The following CERS4 variants were observed in gnomAD, a reference collection of about 807,000 sequenced individuals.
CERS4 encodes ceramide synthase 4.
In CERS4, 65 loss-of-function variants were observed where a neutral mutation model predicts 51.8. That is an observed-to-expected ratio of 1.26 (90% CI 1.03 to 1.54). The LOEUF is 1.54. Ranked by LOEUF, CERS4 falls within the 40% of genes most tolerant of loss-of-function variation. The pLI is 0.00. For missense variants in CERS4, 563 were observed against 500.4 expected, an observed-to-expected ratio of 1.13 and a Z score of -1.19; for synonymous variants, 228 against 208.4, an observed-to-expected ratio of 1.09 and a Z score of -0.81.
At chr19:8,215,487 A>C (rs1486376149) in intron 2 of CERS4, among the ~76,000 whole-genome samples, 1 of 151,502 alleles carries the variant, frequency 6.6e-6, no homozygotes, top group Admixed American at 6.6e-5. Context: ...TCAAAAAAAA[A>C]AAAACAAAAA....
At chr19:8,234,540 C>CTTTTT (rs1479373433) in intron 2 of CERS4, among the ~76,000 whole-genome samples, 1 of 102,238 alleles carries the variant, frequency 9.8e-6, no homozygotes, top group East Asian at 3.3e-4. Flanking sequence ...ACCCACCATT[C>CTTTTT]TATTTTTTTT....
At chr19:8,257,255 C>T (rs1243423232) in intron 9 of CERS4, 178 bp downstream of exon 9, 1 of 651,134 alleles carries the variant, frequency 1.5e-6, no homozygotes, top group East Asian at 3.0e-5. Flanking sequence ...GCCCCACCCC[C>T]TCTGTCTTCC....
intron 2 of CERS4, among the ~76,000 whole-genome samples, chr19:8,221,466 G>A (rs1249499362): frequency 9.9e-5 from 15 of 152,160 alleles, no homozygotes; most frequent in Admixed American, 9.8e-4. Flanking sequence ...CTTTCAGGGA[G>A]AGAGGGAGGG....
rs190624588 is a variant in CERS4, at chr19:8,258,507, C to T, written c.848+522C>T. Among the ~76,000 whole-genome samples, 42 of 150,756 alleles carry T rather than the reference C, an allele frequency of 2.8e-4. No individual in the cohort carries two copies. The East Asian group carries it at 6.2e-3, about 22-fold the overall frequency. Reference sequence around the variant, plus strand: ...GCGGGTCACTTGAGGTCAGGAGTTCCAGACCAGCCTGGCCAACATAGTGAA... The same window carrying T: ...GCGGGTCACTTGAGGTCAGGAGTTCTAGACCAGCCTGGCCAACATAGTGAA... On this transcript the variant is annotated intron_variant, in intron 10 of 11. Coordinates refer to ENST00000251363, the MANE Select transcript of CERS4 (RefSeq NM_024552.3).
At chr19:8,216,197 G>A (rs1442372573) in intron 2 of CERS4, among the ~76,000 whole-genome samples, 1 of 150,940 alleles carries the variant, frequency 6.6e-6, no homozygotes, top group East Asian at 2.0e-4. Context: ...TGGCCAACAA[G>A]GTGAAACCCC....
rs561824522 is a variant in CERS4, at chr19:8,236,640, C to T, written c.-1-14436C>T. On this transcript the variant is annotated intron_variant, in intron 2 of 11. Coordinates refer to ENST00000251363, the MANE Select transcript of CERS4 (RefSeq NM_024552.3). ...GTAGCAATGAGCCGTGATCTCGCCA[C>T]GGCACTCTAGCCTGAGCAACAGAAC... is the stretch of plus-strand genomic sequence containing the variant. 5.5e-5 allele frequency among the ~76,000 whole-genome samples: 8 copies of T among 145,466 alleles called. No homozygotes were observed. In the South Asian group the frequency reaches 6.4e-4, roughly 12 times the overall value.
At chr19:8,254,098 A>G (rs12985223) in intron 3 of CERS4, among the ~76,000 whole-genome samples, 1 of 152,022 alleles carries the variant, frequency 6.6e-6, no homozygotes, top group South Asian at 2.1e-4. Flanking sequence ...CGAGGTGGGC[A>G]GATCACGAGG....
At chr19:8,252,936 C>G (rs1220906829) in intron 3 of CERS4, among the ~76,000 whole-genome samples, 1 of 152,174 alleles carries the variant, frequency 6.6e-6, no homozygotes, top group Non-Finnish European at 1.5e-5. Flanking sequence ...GGGCATGTCT[C>G]TGAGCCTCAG....
intron 2 of CERS4, among the ~76,000 whole-genome samples, chr19:8,219,122 A>C (rs533864926): frequency 1.0e-3 from 156 of 152,148 alleles, no homozygotes; most frequent in African/African-American, 3.7e-3. Context: ...CAGGAGAATC[A>C]CTTGAACCCA....
At chr19:8,247,242 C>T (rs915678580) in intron 2 of CERS4, among the ~76,000 whole-genome samples, 2 of 152,092 alleles carry the variant, frequency 1.3e-5, no homozygotes, top group African/African-American at 2.4e-5. Flanking sequence ...CCCTCATCAC[C>T]TCCCTGCCCT....
At chr19:8,241,164 C>T (rs1382502489) in intron 2 of CERS4, among the ~76,000 whole-genome samples, 1 of 152,158 alleles carries the variant, frequency 6.6e-6, no homozygotes, top group African/African-American at 2.4e-5. Context: ...AAGCTTCCAG[C>T]AGCCTTAGGC....
intron 2 of CERS4, among the ~76,000 whole-genome samples, chr19:8,221,133 T>A (rs1358478185): frequency 1.3e-5 from 2 of 149,970 alleles, no homozygotes; most frequent in Non-Finnish European, 1.5e-5. Flanking sequence ...CCTGTGTATT[T>A]TTTTTTTTTT....
chr19:8,242,943 T>G (rs1218942223), intron 2 of CERS4, among the ~76,000 whole-genome samples: 3 of 149,832 alleles, frequency 2.0e-5, no homozygotes, highest in Admixed American at 1.4e-4. Context: ...CAAGGATGCA[T>G]CCAAGACCCT....
intron 3 of CERS4, among the ~76,000 whole-genome samples, chr19:8,252,617 T>G (rs1969147426): frequency 6.6e-6 from 1 of 152,176 alleles, no homozygotes; most frequent in African/African-American, 2.4e-5. Context: ...TTTTGTATTT[T>G]TAATAGAAAC....
chr19:8,262,031 G>T lies in CERS4; in HGVS notation c.1107G>T (p.Gly369=). The part of the protein sequence containing the change: ...PLQLKNGAAG[G]PRPAPTDGPR... ...AGCTAAAGAACGGGGCAGCTGGAGG[G>T]CCCAGGCCAGCCCCCACTGATGGCC... Residue 369 remains glycine, a synonymous_variant, in exon 12 of 12, where the codon GGG becomes GGT. Coordinates refer to ENST00000251363, the MANE Select transcript of CERS4 (RefSeq NM_024552.3). 1 of 1,557,810 alleles carries T rather than the reference G, an allele frequency of 6.4e-7. No homozygotes were observed. Among genetic ancestry groups the T allele is most frequent in the Non-Finnish European group, 8.7e-7 (1 of 1,155,488 alleles).
intron 3 of CERS4, among the ~76,000 whole-genome samples, chr19:8,253,228 C>T (rs1343993494): frequency 6.6e-6 from 1 of 150,566 alleles, no homozygotes; most frequent in Non-Finnish European, 1.5e-5. Context: ...AGCCTCTACC[C>T]CGGAATGGGG....
intron 2 of CERS4, among the ~76,000 whole-genome samples, chr19:8,216,584 T>C (rs1329726900): frequency 6.6e-6 from 1 of 152,032 alleles, no homozygotes; most frequent in Non-Finnish European, 1.5e-5. Flanking sequence ...AAGACCAGCC[T>C]GGGCAACATA....
intron 2 of CERS4, chr19:8,239,686 C>T (rs1344574654): frequency 1.3e-5 from 2 of 152,160 alleles, no homozygotes; most frequent in Non-Finnish European, 2.9e-5. Flanking sequence ...TTGGGCTTCC[C>T]AGTTCCCACG....
chr19:8,218,498 AC>A (rs544905576), intron 2 of CERS4, among the ~76,000 whole-genome samples: 211 of 152,274 alleles, frequency 1.4e-3, no homozygotes, highest in African/African-American at 4.9e-3. Flanking sequence ...TAGGCTGAGA[AC>A]CTCGGAGTCA....
Sources: allele counts gnomAD v4.1 joint callset (sites outside exome capture counted in the v4.1 genomes callset), GRCh38; gene constraint gnomAD v4.1.1; transcripts MANE v1.5; gene names NCBI Gene and HGNC (gene_info 2026-07-23, HGNC 2026-07-21).